The following SPOCK3 variants were observed in gnomAD, a reference collection of about 807,000 sequenced individuals.
SPOCK3 encodes testican-3.
SPOCK3 carries 30 observed loss-of-function variants against 56.6 expected under a neutral mutation model. The observed-to-expected ratio is 0.53, with a 90% CI of 0.40 to 0.72. The LOEUF (loss-of-function observed/expected upper bound fraction) is 0.72. Ranked by LOEUF, SPOCK3 falls within the 30% of genes least tolerant of loss-of-function variation. SPOCK3 has a pLI of 0.00. For synonymous variants in SPOCK3, 196 were observed against 183.3 expected, an observed-to-expected ratio of 1.07 and a Z score of -0.56; for missense variants, 527 against 530.0, an observed-to-expected ratio of 0.99 and a Z score of 0.06.
At chr4:167,140,714 A>G (rs1763459634) in intron 2 of SPOCK3, among the ~76,000 whole-genome samples, 1 of 151,882 alleles carries the variant, frequency 6.6e-6, no homozygotes, top group South Asian at 2.1e-4. Flanking sequence ...GTGAAGCTCC[A>G]CCCCTCAATT....
intron 6 of SPOCK3, among the ~76,000 whole-genome samples, chr4:166,837,378 A>G (rs950604317): frequency 5.9e-5 from 9 of 152,106 alleles, no homozygotes; most frequent in African/African-American, 2.2e-4. Flanking sequence ...CATGTTCCCC[A>G]GGCTACTCTC....
At chr4:167,161,671 A>G (rs1271011295) in intron 2 of SPOCK3, among the ~76,000 whole-genome samples, 1 of 152,186 alleles carries the variant, frequency 6.6e-6, no homozygotes, top group African/African-American at 2.4e-5. Flanking sequence ...CTGGATTAAG[A>G]AAATGTGGCA....
chr4:166,912,830 T>C, intron 4 of SPOCK3, 87 bp from the exon 5 acceptor site: 3 of 1,114,250 alleles, frequency 2.7e-6, no homozygotes, highest in Non-Finnish European at 3.7e-6. Context: ...AAACTGCCAT[T>C]CCAACTCCTG....
intron 2 of SPOCK3, among the ~76,000 whole-genome samples, chr4:167,087,911 A>T (rs967526786): frequency 1.3e-5 from 2 of 151,958 alleles, no homozygotes; most frequent in African/African-American, 4.8e-5. Flanking sequence ...GTAGGTATAG[A>T]TTTTTTTTAG....
chr4:167,009,838 A>G (rs552990578), intron 3 of SPOCK3, among the ~76,000 whole-genome samples: 2 of 152,178 alleles, frequency 1.3e-5, no homozygotes, highest in East Asian at 3.9e-4. Flanking sequence ...TTCATGTCAT[A>G]AGAGAAAATA....
At chr4:166,841,991 C>T (rs569378587) in intron 6 of SPOCK3, among the ~76,000 whole-genome samples, 2 of 152,228 alleles carry the variant, frequency 1.3e-5, no homozygotes, top group Admixed American at 6.5e-5. Flanking sequence ...TCTGTGGTCT[C>T]GCTGGCTTCA....
chr4:167,224,387 A>C (rs747425756), intron 2 of SPOCK3, among the ~76,000 whole-genome samples: 74 of 152,290 alleles, frequency 4.9e-4, no homozygotes, highest in Non-Finnish European at 5.1e-4. Context: ...GATGTGGGAT[A>C]TTTTACTGAT....
At chr4:166,739,347 T>C (rs1045432985) in intron 9 of SPOCK3, among the ~76,000 whole-genome samples, 3 of 152,042 alleles carry the variant, frequency 2.0e-5, no homozygotes. Context: ...TTCAAGTGAT[T>C]CTCCTACCTC....
chr4:166,988,570 G>A (rs1747415937), intron 4 of SPOCK3, among the ~76,000 whole-genome samples: 1 of 152,056 alleles, frequency 6.6e-6, no homozygotes, highest in Non-Finnish European at 1.5e-5. Flanking sequence ...ATAATATGTG[G>A]ATTTTAGTCT....
intron 5 of SPOCK3, among the ~76,000 whole-genome samples, chr4:166,896,639 A>C (rs955480070): frequency 6.6e-6 from 1 of 152,200 alleles, no homozygotes; most frequent in Admixed American, 6.5e-5. Context: ...AGAAGACTGC[A>C]CATGAGACTG....
chr4:167,121,689 T>A (rs969470543), intron 2 of SPOCK3, among the ~76,000 whole-genome samples: 2 of 152,190 alleles, frequency 1.3e-5, no homozygotes, highest in African/African-American at 4.8e-5. Context: ...GTAGGATTCA[T>A]GTTCATCTAC....
At chr4:166,973,913 A>AC (rs1745659158) in intron 4 of SPOCK3, among the ~76,000 whole-genome samples, 1 of 152,184 alleles carries the variant, frequency 6.6e-6, no homozygotes, top group South Asian at 2.1e-4. Flanking sequence ...ATTTTTAAAA[A>AC]AATCTTTACT....
At chr4:167,215,931 G>T (rs9996643) in intron 2 of SPOCK3, among the ~76,000 whole-genome samples, 3 of 151,970 alleles carry the variant, frequency 2.0e-5, no homozygotes, top group Non-Finnish European at 4.4e-5. Context: ...AGGCTGAGCT[G>T]CATTAAAATC....
intron 2 of SPOCK3, among the ~76,000 whole-genome samples, chr4:167,097,922 T>C (rs1759303543): frequency 6.6e-6 from 1 of 152,022 alleles, no homozygotes; most frequent in African/African-American, 2.4e-5. Context: ...GGGCCCATTA[T>C]TCTAAGCAAA....
chr4:166,876,375 A>T (rs1733086617), intron 6 of SPOCK3, among the ~76,000 whole-genome samples: 1 of 152,188 alleles, frequency 6.6e-6, no homozygotes, highest in Non-Finnish European at 1.5e-5. Flanking sequence ...TCTTGATGAA[A>T]AAGAAAGCTA....
In SPOCK3 at chr4:167,150,818, C is replaced by G. The variant is rs78576807; in HGVS notation, c.189+83167G>C. Among the ~76,000 whole-genome samples, 1,317 of 152,254 alleles carry G rather than the reference C, an allele frequency of 8.7e-3. 19 individuals carry two copies. The highest frequency in any genetic ancestry group is 0.03 in the African/African-American group (1,229 of 41,550). Reference sequence around the variant, plus strand: ...TCCTAAGTAGTCTTAAGGATGGCAGCTGATACCCACGGTCAATATTGGGCA... The same window carrying G: ...TCCTAAGTAGTCTTAAGGATGGCAGGTGATACCCACGGTCAATATTGGGCA... On this transcript the variant is annotated intron_variant, in intron 2 of 10. Transcript: ENST00000357545.
At chr4:166,749,823 C>G (rs900746309) in intron 8 of SPOCK3, among the ~76,000 whole-genome samples, 1 of 151,876 alleles carries the variant, frequency 6.6e-6, no homozygotes, top group Non-Finnish European at 1.5e-5. Context: ...GTTTTTTATA[C>G]AGACATTTAA....
chr4:167,138,475 A>C (rs939600828), intron 2 of SPOCK3, among the ~76,000 whole-genome samples: 3 of 151,920 alleles, frequency 2.0e-5, no homozygotes, highest in African/African-American at 7.2e-5. Context: ...AATTAGATAC[A>C]GGATTGCATT....
chr4:167,081,462 T>G (rs1269634724), intron 2 of SPOCK3, among the ~76,000 whole-genome samples: 4 of 152,042 alleles, frequency 2.6e-5, no homozygotes, highest in Non-Finnish European at 5.9e-5. Flanking sequence ...ATATACTCAC[T>G]CACTCACTCA....
Sources: allele counts gnomAD v4.1 joint callset (sites outside exome capture counted in the v4.1 genomes callset), GRCh38; gene constraint gnomAD v4.1.1; transcripts MANE v1.5; gene names NCBI Gene and HGNC (gene_info 2026-07-23, HGNC 2026-07-21).